PTPRD: variants seen among roughly 807,000 people sequenced by gnomAD.
The protein encoded by PTPRD is receptor-type tyrosine-protein phosphatase delta.
In PTPRD, 34 loss-of-function variants were observed where a neutral mutation model predicts 214.5. That is an observed-to-expected ratio of 0.16 (90% CI 0.12 to 0.21). PTPRD has a LOEUF of 0.21. Ranked by LOEUF, PTPRD falls within the 10% of genes least tolerant of loss-of-function variation. The probability of loss-of-function intolerance (pLI) is 1.00; values close to 1 mark genes in which losing one functional copy is unlikely to be tolerated. For synonymous variants in PTPRD, 1,128 were observed against 845.7 expected, an observed-to-expected ratio of 1.33 and a Z score of -5.79; for missense variants, 2,545 against 2,398.7, an observed-to-expected ratio of 1.06 and a Z score of -1.27.
chr9:9,100,838 C>G (rs2099790218), intron 10 of PTPRD, among the ~76,000 whole-genome samples: 1 of 152,052 alleles, frequency 6.6e-6, no homozygotes. Context: ...AGTTCCTGAT[C>G]TCATATTATA....
chr9:9,021,410 A>T (rs2066764881), intron 10 of PTPRD, among the ~76,000 whole-genome samples: 1 of 152,166 alleles, frequency 6.6e-6, no homozygotes, highest in Admixed American at 6.6e-5. Flanking sequence ...TTTTGCCATT[A>T]AAAGTAATGG....
At chr9:10,097,812 G>C (rs548264341) in intron 3 of PTPRD, among the ~76,000 whole-genome samples, 17 of 151,780 alleles carry the variant, frequency 1.1e-4, no homozygotes, top group Non-Finnish European at 2.2e-4. Context: ...TCCCTGTGTT[G>C]TGCCAGTTTT....
chr9:8,794,966 T>C (rs1428245880), intron 11 of PTPRD, among the ~76,000 whole-genome samples: 1 of 151,770 alleles, frequency 6.6e-6, no homozygotes, highest in East Asian at 1.9e-4. Flanking sequence ...ATTAATTATT[T>C]GGAACCCAAT....
At chr9:9,533,141 C>T (rs1444366327) in intron 8 of PTPRD, among the ~76,000 whole-genome samples, 1 of 152,048 alleles carries the variant, frequency 6.6e-6, no homozygotes, top group Non-Finnish European at 1.5e-5. Flanking sequence ...ATTTCTTTCT[C>T]TTGATAGTGT....
chr9:9,133,757 A>T (rs2154476157), intron 10 of PTPRD, among the ~76,000 whole-genome samples: 1 of 152,286 alleles, frequency 6.6e-6, no homozygotes, highest in East Asian at 1.9e-4. Context: ...ATTGTTTTTT[A>T]TCAGGAGAAA....
intron 12 of PTPRD, among the ~76,000 whole-genome samples, chr9:8,730,235 G>C (rs764332069): frequency 1.3e-5 from 2 of 152,076 alleles, no homozygotes; most frequent in Admixed American, 6.6e-5. Context: ...CAGCCTAGGC[G>C]ACTGAGCGAG....
intron 2 of PTPRD, among the ~76,000 whole-genome samples, chr9:10,366,763 C>T (rs958004575): frequency 1.3e-5 from 2 of 152,132 alleles, no homozygotes; most frequent in Non-Finnish European, 2.9e-5. Flanking sequence ...TTGCCACGTA[C>T]TTGCTCCATG....
In PTPRD at chr9:10,594,196, C is replaced by G. The variant is rs185779463; in HGVS notation, c.-600+18202G>C. Among the ~76,000 whole-genome samples, 452 of 152,014 alleles carry G rather than the reference C, an allele frequency of 3.0e-3. 2 individuals are homozygous for G. The highest frequency in any genetic ancestry group is 0.01 in the African/African-American group (434 of 41,508). ...TCTACTTTACTATAATTACAGAGGA[C>G]ACTTTACTTCTAGTTTTGAGAAAAC... On this transcript the variant is annotated intron_variant, in intron 2 of 45. Coordinates refer to ENST00000381196, the MANE Select transcript of PTPRD (RefSeq NM_002839.4).
Position 10,345,714 on chromosome 9 carries a change from G to A in PTPRD, c.-599-4697C>T, listed in dbSNP as rs542642849. ...AGTCTTTGCTATTGTGAACAGTGTT[G>A]CAAAACACATACGTGTGCATATGTC... On this transcript the variant is annotated intron_variant, in intron 2 of 45. Coordinates refer to ENST00000381196, the MANE Select transcript of PTPRD (RefSeq NM_002839.4). 3.1e-3 allele frequency among the ~76,000 whole-genome samples: 477 copies of A among 152,242 alleles called. 4 individuals are homozygous for A. Among genetic ancestry groups the A allele is most frequent in the South Asian group, 0.022 (107 of 4,826 alleles).
intron 5 of PTPRD, among the ~76,000 whole-genome samples, chr9:9,903,476 C>T (rs1331119796): frequency 2.0e-5 from 3 of 152,052 alleles, no homozygotes; most frequent in East Asian, 3.9e-4. Flanking sequence ...CCATTACACA[C>T]AGATCAGGTA....
At chr9:8,856,357 C>T (rs1374372121) in intron 11 of PTPRD, among the ~76,000 whole-genome samples, 3 of 152,004 alleles carry the variant, frequency 2.0e-5, no homozygotes, top group Non-Finnish European at 4.4e-5. Flanking sequence ...TGAACTAAGT[C>T]CCCAGAGATG....
chr9:10,207,302 G>T lies in PTPRD; in HGVS notation c.-545+133661C>A, dbSNP rs187274049. ...CTCTTTAATTCAGCATAACATTTTTGAGCTTTATGGTTTTGTATATATCAA... is the reference window on the plus strand; with the variant it reads ...CTCTTTAATTCAGCATAACATTTTTTAGCTTTATGGTTTTGTATATATCAA... On this transcript the variant is annotated intron_variant, in intron 3 of 45. Coordinates refer to ENST00000381196, the MANE Select transcript of PTPRD (RefSeq NM_002839.4). Among the ~76,000 whole-genome samples, 538 of 151,934 alleles carry T rather than the reference G, an allele frequency of 3.5e-3. 4 individuals carry two copies. Among genetic ancestry groups the T allele is most frequent in the Non-Finnish European group, 5.9e-3 (399 of 67,906 alleles).
intron 10 of PTPRD, among the ~76,000 whole-genome samples, chr9:9,156,642 T>C (rs67331599): frequency 0.31 from 47,562 of 151,514 alleles, 8,078 homozygotes; most frequent in Non-Finnish European, 0.39. Flanking sequence ...CACAGCGGCG[T>C]CATGTATTTT....
rs528540249 is a variant in PTPRD, at chr9:8,746,093, C to T, written c.-103-12147G>A. Among the ~76,000 whole-genome samples the T allele has an allele frequency of 7.4e-5, 11 of 149,514 alleles. No homozygotes were observed. In the East Asian group the frequency reaches 1.5e-3, roughly 21 times the overall value. On this transcript the variant is annotated intron_variant, in intron 11 of 45. Coordinates refer to ENST00000381196, the MANE Select transcript of PTPRD (RefSeq NM_002839.4). ...ACAGGCATGAGCCACCATGCCCAATCGATTTTTTTTTTTTCTCTGTAAAAT... is the reference window on the plus strand; with the variant it reads ...ACAGGCATGAGCCACCATGCCCAATTGATTTTTTTTTTTTCTCTGTAAAAT...
intron 7 of PTPRD, among the ~76,000 whole-genome samples, chr9:9,681,572 G>T (rs1286804846): frequency 1.3e-5 from 2 of 151,606 alleles, no homozygotes; most frequent in African/African-American, 4.8e-5. Context: ...CCCTCCCCAT[G>T]TGACCTTTTC....
intron 9 of PTPRD, among the ~76,000 whole-genome samples, chr9:9,185,083 TG>T (rs1244954872): frequency 1.3e-5 from 2 of 152,088 alleles, no homozygotes; most frequent in African/African-American, 4.8e-5. Flanking sequence ...TCAGAAGTAA[TG>T]GGCTTGGAAG....
rs189134051 is a variant in PTPRD at position 10,218,782 on chromosome 9, C to T, written c.-545+122181G>A. ...GGTCTTGGTGATTTATAACATTCTA[C>T]GTGTTGTTACTATGTTGCTTGAATT... On this transcript the variant is annotated intron_variant, in intron 3 of 45. Transcript: ENST00000381196. Among the ~76,000 whole-genome samples the T allele has an allele frequency of 3.2e-4, 48 of 151,730 alleles. 1 individual carries two copies. The highest frequency in any genetic ancestry group is 3.4e-3 in the Middle Eastern group (1 of 294).
intron 4 of PTPRD, among the ~76,000 whole-genome samples, chr9:9,947,001 T>G (rs996183904): frequency 1.1e-4 from 17 of 151,782 alleles, no homozygotes; most frequent in Non-Finnish European, 2.5e-4. Context: ...GAGTTCTATT[T>G]GCTTGTGAAG....
At chr9:9,300,613 C>CT (rs1954905147) in intron 9 of PTPRD, among the ~76,000 whole-genome samples, 1 of 151,652 alleles carries the variant, frequency 6.6e-6, no homozygotes, top group Admixed American at 6.6e-5. Context: ...GATTAGTGTC[C>CT]TTATAAAAGG....
Sources: gnomAD v4.1 joint callset for allele counts (sites outside exome capture counted in the v4.1 genomes callset) on GRCh38, gnomAD v4.1.1 for gene constraint, MANE v1.5 for transcripts, NCBI Gene and HGNC (gene_info 2026-07-23, HGNC 2026-07-21) for gene names.